The following POTEE variants were observed in gnomAD, a reference collection of about 807,000 sequenced individuals.
POTEE encodes the protein ANKRD26-like family C member 1A.
POTEE carries 21 observed loss-of-function variants against 74.2 expected under a neutral mutation model. That is an observed-to-expected ratio of 0.28 (90% confidence interval 0.20 to 0.41). POTEE has a LOEUF of 0.41. Ranked by LOEUF, POTEE falls within the 10% of genes least tolerant of loss-of-function variation. The probability of loss-of-function intolerance (pLI) is 1.00; values close to 1 mark genes in which losing one functional copy is unlikely to be tolerated. For synonymous variants in POTEE, 211 were observed against 432.8 expected, an observed-to-expected ratio of 0.49 and a Z score of 6.36; for missense variants, 525 against 1,158.6, an observed-to-expected ratio of 0.45 and a Z score of 7.94.
chr2:131,217,497 G>T (rs1422933817), intron 2 of POTEE, among the ~76,000 whole-genome samples, 92 bp from the exon 3 acceptor site: 3 of 141,340 alleles, frequency 2.1e-5, no homozygotes, highest in African/African-American at 5.3e-5. Flanking sequence ...GGAGTGTCCT[G>T]GGGGCTTTTT....
intron 8 of POTEE, among the ~76,000 whole-genome samples, chr2:131,229,974 G>C (rs1700898807): frequency 6.6e-6 from 1 of 152,016 alleles, no homozygotes; most frequent in Non-Finnish European, 1.5e-5. Flanking sequence ...GTAGACTTTT[G>C]GTCTCCCATG....
At chr2:131,237,694 C>A (rs1701179799) in intron 10 of POTEE, among the ~76,000 whole-genome samples, 1 of 151,852 alleles carries the variant, frequency 6.6e-6, no homozygotes, top group Non-Finnish European at 1.5e-5. Flanking sequence ...ATTTCGGCTC[C>A]TAATAATTTA....
At chr2:131,240,122 A>G (rs1701241885) in intron 12 of POTEE, among the ~76,000 whole-genome samples, 1 of 142,508 alleles carries the variant, frequency 7.0e-6, no homozygotes, top group African/African-American at 2.6e-5. Context: ...TGTAAAGGAT[A>G]TTTGTGTAGA....
At chr2:131,230,429 G>A (rs541180624) in intron 8 of POTEE, among the ~76,000 whole-genome samples, 3 of 152,170 alleles carry the variant, frequency 2.0e-5, no homozygotes, top group South Asian at 2.1e-4. Flanking sequence ...ATGTTATCTC[G>A]TTAAACCTTT....
intron 16 of POTEE, among the ~76,000 whole-genome samples, chr2:131,256,777 A>T (rs2105131245): frequency 7.0e-6 from 1 of 142,862 alleles, no homozygotes; most frequent in East Asian, 2.3e-4. Context: ...TACCAGCACG[A>T]TTCCTAATCC....
At chr2:131,214,452 A>C (rs1296550672) in intron 2 of POTEE, among the ~76,000 whole-genome samples, 89 of 152,406 alleles carry the variant, frequency 5.8e-4, no homozygotes, top group Non-Finnish European at 3.7e-4. Context: ...AGATAAATTT[A>C]ATCATGTCGT....
At chr2:131,227,755 A>T (rs1325468563) in intron 7 of POTEE, among the ~76,000 whole-genome samples, 1 of 149,720 alleles carries the variant, frequency 6.7e-6, no homozygotes, top group African/African-American at 2.5e-5. Context: ...AGTAAGAAAG[A>T]TACATGTGGC....
rs1322680603 is a variant in POTEE at position 131,209,772 on chromosome 2, C to G, written c.-392C>G. ...CTCGCCTTGCTGTGTTTGGTGGTGA[C>G]GTGGGACACTGCAGCTCGGCCAGAG... On this transcript the variant is annotated 5_prime_UTR_variant, in exon 1 of 18. Transcript: ENST00000683005. 6.6e-6 allele frequency among the ~76,000 whole-genome samples: 1 copy of G among 152,060 alleles called. No homozygotes were observed. The highest frequency in any genetic ancestry group is 2.4e-5 in the African/African-American group (1 of 41,338).
intron 3 of POTEE, 117 bp from the exon 4 acceptor site, chr2:131,218,193 G>A: frequency 1.1e-6 from 1 of 941,574 alleles, no homozygotes; most frequent in Non-Finnish European, 1.6e-6. Context: ...GTCGCCCAGG[G>A]GGGGCGTGGG....
chr2:131,219,608 A>G (rs1200105338), intron 4 of POTEE, among the ~76,000 whole-genome samples: 7 of 152,094 alleles, frequency 4.6e-5, no homozygotes, highest in Non-Finnish European at 7.4e-5. Context: ...GCGGTCGTAG[A>G]CGCCTGTAGT....
At chr2:131,211,520 C>CTCTGTGTGTGTGTGTGTGTGTG (rs1553474098) in intron 2 of POTEE, among the ~76,000 whole-genome samples, 15 of 50,264 alleles carry the variant, frequency 3.0e-4, no homozygotes, top group African/African-American at 1.2e-4. Flanking sequence ...TAGGGGGTGA[C>CTCTGTGTGTGTGTGTGTGTGTG]TGTGTGTGTG....
chr2:131,225,155 C>T (rs963050789), intron 6 of POTEE, among the ~76,000 whole-genome samples: 7 of 152,132 alleles, frequency 4.6e-5, no homozygotes, highest in Non-Finnish European at 1.5e-5. Context: ...ATCCCAGTAA[C>T]CTGAGGAAAA....
intron 9 of POTEE, among the ~76,000 whole-genome samples, chr2:131,233,427 G>A (rs574706165): frequency 3.9e-4 from 60 of 152,008 alleles, no homozygotes; most frequent in Non-Finnish European, 6.8e-4. Flanking sequence ...TGGGATTGAT[G>A]GAAGGTTCTT....
intron 6 of POTEE, 55 bp from the exon 7 acceptor site, chr2:131,226,768 G>A: frequency 6.2e-7 from 1 of 1,608,822 alleles, no homozygotes; most frequent in Non-Finnish European, 8.5e-7. Flanking sequence ...CACTTTGGTT[G>A]AGGAATATGT....
chr2:131,260,575 C>T (rs1701678183), intron 16 of POTEE, among the ~76,000 whole-genome samples: 1 of 149,194 alleles, frequency 6.7e-6, no homozygotes, highest in African/African-American at 2.6e-5. Flanking sequence ...CTTTTTGAGC[C>T]ACTGTAAAAG....
At chr2:131,220,180 C>T (rs1046876815) in intron 4 of POTEE, among the ~76,000 whole-genome samples, 21 of 151,538 alleles carry the variant, frequency 1.4e-4, no homozygotes, top group African/African-American at 5.1e-4. Flanking sequence ...ATACAAATGC[C>T]TATTTATATA....
chr2:131,220,112 A>G (rs1700571838), intron 4 of POTEE, among the ~76,000 whole-genome samples: 1 of 152,126 alleles, frequency 6.6e-6, no homozygotes, highest in Non-Finnish European at 1.5e-5. Context: ...TCACAAAAAT[A>G]AGAGTATAGA....
intron 8 of POTEE, among the ~76,000 whole-genome samples, chr2:131,230,249 G>C (rs946427007): frequency 2.6e-5 from 4 of 152,176 alleles, no homozygotes; most frequent in Admixed American, 2.6e-4. Flanking sequence ...GGACAACTAA[G>C]AAGCAAAATT....
Position 131,230,906 on chromosome 2 carries a change from G to A in POTEE, c.1126G>A (p.Glu376Lys). Reference protein sequence around the residue: ...LKISSENSNPEQELKLTSEEE... With the variant: ...LKISSENSNPKQELKLTSEEE... ...AATCTCTTCTGAAAACAGCAATCCA[G>A]GTAAGACTTGTGATAGTGAATTACT... The change falls in exon 9 of 18, where the codon GAA becomes AAA. Residue 376 changes from glutamate (E) to lysine (K), a missense_variant and splice_region_variant. Transcript: ENST00000683005. 2 of 1,564,660 alleles carry A rather than the reference G, an allele frequency of 1.3e-6. No homozygotes were observed. Among genetic ancestry groups the A allele is most frequent in the Non-Finnish European group, 8.7e-7 (1 of 1,154,876 alleles).
Sources: gnomAD v4.1 joint callset for allele counts (sites outside exome capture counted in the v4.1 genomes callset) on GRCh38, gnomAD v4.1.1 for gene constraint, MANE v1.5 for transcripts, NCBI Gene and HGNC (gene_info 2026-07-23, HGNC 2026-07-21) for gene names.